MKLN1: variants seen among roughly 807,000 people sequenced by gnomAD.
MKLN1 encodes muskelin 1, also known as muskelin.
A neutral mutation model predicts 99.0 loss-of-function variants in MKLN1; 18 were observed. The observed-to-expected ratio is 0.18, with a 90% CI of 0.13 to 0.27. The LOEUF (loss-of-function observed/expected upper bound fraction) is 0.27, where lower values mean the gene tolerates loss of function less well. MKLN1 is among the 10% of genes least tolerant of loss of function. The probability of loss-of-function intolerance (pLI) is 1.00; values close to 1 mark genes in which losing one functional copy is unlikely to be tolerated. For missense variants in MKLN1, 621 were observed against 875.9 expected (o/e 0.71, Z 3.67); for synonymous variants, 288 against 293.2 (o/e 0.98, Z 0.18).
intron 3 of MKLN1, among the ~76,000 whole-genome samples, chr7:131,301,485 C>T (rs1037351470): frequency 1.3e-5 from 2 of 152,052 alleles, no homozygotes; most frequent in African/African-American, 2.4e-5. Flanking sequence ...AAATTATGTT[C>T]GAGAAATACT....
At chr7:131,161,961 GTGTATATATATA>G (rs752767160) in intron 2 of MKLN1, among the ~76,000 whole-genome samples, 1,506 of 81,058 alleles carry the variant, frequency 0.019, 12 homozygotes, top group Non-Finnish European at 0.02. Context: ...GTGTGTGTGT[GTGTATATATATA>G]TATATATATA....
intron 1 of MKLN1, among the ~76,000 whole-genome samples, chr7:131,128,120 C>T (rs1486855098): frequency 1.3e-5 from 2 of 150,896 alleles, no homozygotes; most frequent in African/African-American, 4.9e-5. Context: ...CATATATGAG[C>T]AGGCCCCTAG....
At chr7:131,472,721 C>T (rs1329418169) in intron 16 of MKLN1, among the ~76,000 whole-genome samples, 10 of 151,966 alleles carry the variant, frequency 6.6e-5, no homozygotes, top group Non-Finnish European at 1.0e-4. Context: ...GAGGCCGAGG[C>T]GGGCGGATCA....
At chr7:131,401,071 G>T (rs115956716) in intron 6 of MKLN1, among the ~76,000 whole-genome samples, 1 of 152,060 alleles carries the variant, frequency 6.6e-6, no homozygotes, top group South Asian at 2.1e-4. Flanking sequence ...TAAAAACATA[G>T]CAGAGAAGGA....
chr7:131,469,535 A>G (rs1796759366), intron 15 of MKLN1, among the ~76,000 whole-genome samples: 2 of 152,178 alleles, frequency 1.3e-5, no homozygotes, highest in South Asian at 4.1e-4. Context: ...TGAAGGCTGT[A>G]AGCCTGGCTG....
intron 16 of MKLN1, among the ~76,000 whole-genome samples, chr7:131,478,006 G>T (rs193248190): frequency 2.6e-5 from 4 of 152,134 alleles, no homozygotes; most frequent in Admixed American, 2.0e-4. Flanking sequence ...CAATTACATT[G>T]TCTGTTTTAA....
intron 17 of MKLN1, among the ~76,000 whole-genome samples, chr7:131,483,203 G>A (rs759931995): frequency 1.3e-5 from 2 of 152,028 alleles, no homozygotes; most frequent in Non-Finnish European, 2.9e-5. Flanking sequence ...AAGTAGTTGT[G>A]GTACTGTTGA....
At position 131,340,360 on chromosome 7, in the gene MKLN1, C is replaced by T. The variant is rs569349674; in HGVS notation, c.98+12363C>T. On this transcript the variant is annotated intron_variant, in intron 1 of 17. Transcript: ENST00000352689. ...TGGTGCGATCTTGGCTTACTACAAC[C>T]TCTGCCTCCCAGGTTCAAGCAATTT... Among the ~76,000 whole-genome samples, 157 of 146,460 alleles carry T rather than the reference C, an allele frequency of 1.1e-3. 1 individual carries two copies. The highest frequency in any genetic ancestry group is 3.8e-3 in the African/African-American group (150 of 39,310).
intron 6 of MKLN1, among the ~76,000 whole-genome samples, chr7:131,399,635 A>G (rs950554806): frequency 6.6e-6 from 1 of 152,184 alleles, no homozygotes; most frequent in Non-Finnish European, 1.5e-5. Flanking sequence ...AAAAATTGAA[A>G]TGTACTTGAA....
chr7:131,472,156 G>C (rs1044349331), intron 16 of MKLN1: 4 of 152,226 alleles, frequency 2.6e-5, no homozygotes, highest in Admixed American at 2.6e-4. Flanking sequence ...ACTGTACTTA[G>C]TTGTGAAGAG....
chr7:131,153,680 TG>T (rs1795924237), intron 2 of MKLN1, among the ~76,000 whole-genome samples: 1 of 149,942 alleles, frequency 6.7e-6, no homozygotes, highest in Non-Finnish European at 1.5e-5. Context: ...TTTTTTTTTT[TG>T]AGAAGGAGTC....
At chr7:131,174,100 G>A (rs1259840031) in intron 2 of MKLN1, among the ~76,000 whole-genome samples, 3 of 151,190 alleles carry the variant, frequency 2.0e-5, no homozygotes, top group Non-Finnish European at 4.4e-5. Flanking sequence ...AGCCTCCCGA[G>A]TAGCTGGGAC....
At chr7:131,282,937 C>A (rs62472006) in intron 3 of MKLN1, among the ~76,000 whole-genome samples, 16,449 of 152,130 alleles carry the variant, frequency 0.11, 908 homozygotes, top group African/African-American at 0.13. Flanking sequence ...GTGGACCAAT[C>A]CTCATCTTCA....
chr7:131,245,993 A>G (rs1365902434), intron 3 of MKLN1, among the ~76,000 whole-genome samples: 2 of 152,210 alleles, frequency 1.3e-5, no homozygotes, highest in Non-Finnish European at 2.9e-5. Context: ...GTCAAAGCCC[A>G]AGCCAGGTGC....
intron 3 of MKLN1, among the ~76,000 whole-genome samples, chr7:131,301,418 A>C (rs1046437319): frequency 1.3e-5 from 2 of 152,198 alleles, no homozygotes; most frequent in African/African-American, 4.8e-5. Context: ...CTTGAGGCTT[A>C]TTTGGAACTC....
At chr7:131,243,934 G>C (rs750206640) in intron 3 of MKLN1, among the ~76,000 whole-genome samples, 9 of 152,158 alleles carry the variant, frequency 5.9e-5, no homozygotes, top group Non-Finnish European at 1.3e-4. Context: ...AGAATCGCTT[G>C]AACCAGGAGG....
intron 15 of MKLN1, among the ~76,000 whole-genome samples, chr7:131,469,756 G>C (rs1023688337): frequency 1.3e-4 from 20 of 152,106 alleles, no homozygotes; most frequent in African/African-American, 4.1e-4. Flanking sequence ...AAATAAACCT[G>C]TATGTAATTA....
Position 131,476,934 on chromosome 7 carries a change from G to A in MKLN1, c.2032-1689G>A, listed in dbSNP as rs1012687736. Among the ~76,000 whole-genome samples the A allele has an allele frequency of 5.3e-5, 8 of 152,320 alleles. No individual in the cohort carries two copies. In the East Asian group the frequency reaches 9.6e-4, roughly 18 times the overall value. ...ATAGAGTCCAGAAGTAGACCCATAC[G>A]TATGTGGTCAGTTGTTTTTTGACCA... is the stretch of plus-strand genomic sequence containing the variant. On this transcript the variant is annotated intron_variant, in intron 16 of 17. Coordinates refer to ENST00000352689, the MANE Select transcript of MKLN1 (RefSeq NM_013255.5).
intron 1 of MKLN1, among the ~76,000 whole-genome samples, chr7:131,122,542 A>G (rs1795388809): frequency 6.6e-6 from 1 of 152,192 alleles, no homozygotes; most frequent in African/African-American, 2.4e-5. Context: ...CATCACCCTG[A>G]ATGAGTTGAT....
Sources: gnomAD v4.1 joint callset for allele counts (sites outside exome capture counted in the v4.1 genomes callset) on GRCh38, gnomAD v4.1.1 for gene constraint, MANE v1.5 for transcripts, NCBI Gene and HGNC (gene_info 2026-07-23, HGNC 2026-07-21) for gene names.